The following PCCA variants were observed in gnomAD, a reference collection of about 807,000 sequenced individuals.
PCCA encodes the protein propionyl-CoA carboxylase subunit alpha, also known as propionyl-CoA carboxylase alpha chain, mitochondrial.
PCCA carries 74 observed loss-of-function variants against 101.3 expected under a neutral mutation model. The ratio of observed to expected loss-of-function variants is 0.73; its 90% CI spans 0.61 to 0.89. The LOEUF is 0.89. Among genes scored for constraint, PCCA ranks in the 40% least tolerant of loss-of-function variants. The pLI, the probability that PCCA is intolerant of heterozygous loss-of-function variation, is 0.00. For missense variants in PCCA, 891 were observed against 907.0 expected, an observed-to-expected ratio of 0.98 and a Z score of 0.23; for synonymous variants, 294 against 313.6, an observed-to-expected ratio of 0.94 and a Z score of 0.66.
rs556478904 is a variant in PCCA, at chr13:100,517,023, T to C, written c.2040+1456T>C. ...GCCAGCCTGAGCTTTCCACTCCTAA[T>C]TGTGTGGCTTTAATTATAAAATCGT... On this transcript the variant is annotated intron_variant, in intron 22 of 23. Coordinates refer to ENST00000376285, the MANE Select transcript of PCCA (RefSeq NM_000282.4). Among the ~76,000 whole-genome samples the C allele has an allele frequency of 3.4e-5, 5 of 145,854 alleles. No homozygotes were observed. The South Asian group carries it at 8.9e-4, about 26-fold the overall frequency.
intron 4 of PCCA, among the ~76,000 whole-genome samples, chr13:100,125,135 T>TTTGTGTGTGTGTG (rs137918646): frequency 1.4e-4 from 21 of 149,228 alleles, no homozygotes; most frequent in African/African-American, 5.0e-4. Context: ...GACCTTTTAT[T>TTTGTGTGTGTGTG]TGTGTGTGTG....
intron 4 of PCCA, among the ~76,000 whole-genome samples, chr13:100,124,391 T>A (rs2049739478): frequency 6.6e-6 from 1 of 152,122 alleles, no homozygotes; most frequent in African/African-American, 2.4e-5. Context: ...AACCTAAAAT[T>A]AGGGAAGTAT....
intron 6 of PCCA, among the ~76,000 whole-genome samples, chr13:100,183,338 C>T (rs1034332550): frequency 3.3e-5 from 5 of 152,134 alleles, no homozygotes; most frequent in African/African-American, 1.2e-4. Flanking sequence ...CTGGAAAGAC[C>T]TTGAAACTTA....
At chr13:100,303,144 A>T (rs1417310485) in intron 14 of PCCA, 146 bp downstream of exon 14, 3 of 709,772 alleles carry the variant, frequency 4.2e-6, no homozygotes, top group East Asian at 2.7e-5. Flanking sequence ...TTGAAAACAA[A>T]TTTTTTTCAG....
At chr13:100,455,337 A>G (rs2081624562) in intron 21 of PCCA, among the ~76,000 whole-genome samples, 1 of 152,224 alleles carries the variant, frequency 6.6e-6, no homozygotes. Flanking sequence ...CTCCCTGCAC[A>G]AGGAACTAAC....
At chr13:100,474,440 T>TTC (rs58811683) in intron 21 of PCCA, among the ~76,000 whole-genome samples, 290 of 144,374 alleles carry the variant, frequency 2.0e-3, no homozygotes, top group East Asian at 7.0e-3. Context: ...TATTTACTGT[T>TTC]TCTCTCTCTC....
chr13:100,458,432 CACACACAT>C lies in PCCA; in HGVS notation c.1899+9135_1899+9142del, dbSNP rs1190583003. On this transcript the variant is annotated intron_variant, in intron 21 of 23. Coordinates refer to ENST00000376285, the MANE Select transcript of PCCA (RefSeq NM_000282.4). ...GACCCCATCTCTGCGCGCACACACA[CACACACAT>C]ACACACACACACACACACACACACA... 4.7e-4 allele frequency among the ~76,000 whole-genome samples: 38 copies of C among 80,906 alleles called. No homozygotes were observed. In the South Asian group the frequency reaches 7.2e-3, roughly 15 times the overall value. The allele number at this position is 80,906 out of a possible 152,430, so 53.1% of individuals were successfully genotyped here.
rs1337717543 is a variant in PCCA, at chr13:100,154,930, A to C, written c.301-49A>C. ...TTTGTGTGTATTTGCAGATGATGGT[A>C]ATTCTTTTTGCTGGGCGCATCTGTT... On this transcript the variant is annotated intron_variant, in intron 4 of 23. Coordinates refer to ENST00000376285, the MANE Select transcript of PCCA (RefSeq NM_000282.4). 5 of 1,179,830 alleles carry C rather than the reference A, an allele frequency of 4.2e-6. No homozygotes were observed. In the Admixed American group the frequency reaches 8.4e-5, roughly 20 times the overall value. The allele number at this position is 1,179,830 out of a possible 1,614,324, so 73.1% of individuals were successfully genotyped here.
chr13:100,530,036 G>GC, intron 23 of PCCA, 62 bp from the exon 24 acceptor site: 1 of 1,276,988 alleles, frequency 7.8e-7, no homozygotes, highest in East Asian at 2.3e-5. Flanking sequence ...GGAGCCTGCC[G>GC]CCTCTTGGTT....
At chr13:100,515,213 T>A (rs1307013773) in intron 21 of PCCA, among the ~76,000 whole-genome samples, 1 of 152,244 alleles carries the variant, frequency 6.6e-6, no homozygotes, top group Admixed American at 6.5e-5. Context: ...TTTTAATAAC[T>A]GGAATAGCCC....
chr13:100,301,699 A>G, intron 13 of PCCA, 96 bp downstream of exon 13: 3 of 1,375,606 alleles, frequency 2.2e-6, no homozygotes, highest in Non-Finnish European at 3.1e-6. Flanking sequence ...GGGTTTTATA[A>G]TGTTGCCAAC....
chr13:100,199,793 C>T (rs1018946610), intron 6 of PCCA, among the ~76,000 whole-genome samples: 9 of 152,148 alleles, frequency 5.9e-5, no homozygotes, highest in Non-Finnish European at 1.3e-4. Flanking sequence ...TTTATTACCA[C>T]TGGTACAATT....
intron 4 of PCCA, among the ~76,000 whole-genome samples, chr13:100,122,886 A>G (rs1309194546): frequency 1.3e-5 from 2 of 152,174 alleles, no homozygotes; most frequent in African/African-American, 4.8e-5. Context: ...GTGTCCTCAC[A>G]TGGTGGAAGG....
At chr13:100,377,563 A>G (rs2075993211) in intron 19 of PCCA, among the ~76,000 whole-genome samples, 1 of 151,888 alleles carries the variant, frequency 6.6e-6, no homozygotes, top group South Asian at 2.1e-4. Flanking sequence ...GGCGTGATCT[A>G]AGCTCACTGC....
intron 12 of PCCA, among the ~76,000 whole-genome samples, chr13:100,280,473 C>T (rs1176660590): frequency 1.3e-5 from 2 of 152,002 alleles, no homozygotes; most frequent in Non-Finnish European, 2.9e-5. Context: ...GTTCTCTGTT[C>T]ACCTCTCACA....
chr13:100,310,625 A>T (rs2066831574), intron 16 of PCCA, among the ~76,000 whole-genome samples: 1 of 152,180 alleles, frequency 6.6e-6, no homozygotes, highest in South Asian at 2.1e-4. Flanking sequence ...GGCTTCTGAA[A>T]GGAGTACTCT....
chr13:100,346,538 G>A (rs1411279771), intron 18 of PCCA, among the ~76,000 whole-genome samples: 1 of 152,196 alleles, frequency 6.6e-6, no homozygotes, highest in Non-Finnish European at 1.5e-5. Context: ...TGCTTCTGGT[G>A]AAGATGCTGT....
At chr13:100,346,905 G>A (rs1345977378) in intron 18 of PCCA, among the ~76,000 whole-genome samples, 1 of 151,574 alleles carries the variant, frequency 6.6e-6, no homozygotes, top group Non-Finnish European at 1.5e-5. Context: ...ATGGAGTCTC[G>A]CTCTGTCGCC....
At chr13:100,222,222 G>C (rs1199793979) in intron 7 of PCCA, among the ~76,000 whole-genome samples, 1 of 151,820 alleles carries the variant, frequency 6.6e-6, no homozygotes, top group Non-Finnish European at 1.5e-5. Context: ...TGTATTTTTA[G>C]TAATTAGTAA....
Sources: gnomAD v4.1 joint callset for allele counts (sites outside exome capture counted in the v4.1 genomes callset) on GRCh38, gnomAD v4.1.1 for gene constraint, MANE v1.5 for transcripts, NCBI Gene and HGNC (gene_info 2026-07-23, HGNC 2026-07-21) for gene names.